Variants in RNLS observed in about 807,000 individuals in gnomAD.
RNLS encodes the protein renalase.
In RNLS, 39 loss-of-function variants were observed where a neutral mutation model predicts 39.8. The ratio of observed to expected loss-of-function variants is 0.98; its 90% CI spans 0.76 to 1.28. The LOEUF is 1.28. Among genes scored for constraint, RNLS ranks in the 50% most tolerant of loss-of-function variants. RNLS has a pLI of 0.00. For missense variants in RNLS, 410 were observed against 413.3 expected, an observed-to-expected ratio of 0.99 and a Z score of 0.07; for synonymous variants, 147 against 150.7, an observed-to-expected ratio of 0.98 and a Z score of 0.18.
At chr10:88,444,171 G>A (rs1034673954) in intron 4 of RNLS, among the ~76,000 whole-genome samples, 12 of 152,300 alleles carry the variant, frequency 7.9e-5, no homozygotes, top group African/African-American at 2.4e-4. Context: ...AGCAATATTC[G>A]CTGTTCTGCA....
intron 4 of RNLS, among the ~76,000 whole-genome samples, chr10:88,531,828 C>G (rs1324274426): frequency 6.6e-6 from 1 of 151,932 alleles, no homozygotes; most frequent in Non-Finnish European, 1.5e-5. Flanking sequence ...TTTCTTTGTT[C>G]TGAGATTGAA....
chr10:88,439,498 G>T (rs959676232), intron 4 of RNLS, among the ~76,000 whole-genome samples: 1 of 152,116 alleles, frequency 6.6e-6, no homozygotes, highest in South Asian at 2.1e-4. Flanking sequence ...TGGTTTTGAG[G>T]ACCTATTCAA....
intron 5 of RNLS, among the ~76,000 whole-genome samples, chr10:88,319,319 G>T (rs1846003673): frequency 6.6e-6 from 1 of 152,010 alleles, no homozygotes; most frequent in Non-Finnish European, 1.5e-5. Context: ...AAACGTGACA[G>T]ATCCCTCATA....
At chr10:88,581,189 A>C (rs931519424) in intron 3 of RNLS, among the ~76,000 whole-genome samples, 7 of 151,898 alleles carry the variant, frequency 4.6e-5, no homozygotes, top group Non-Finnish European at 1.0e-4. Flanking sequence ...AAATAGATCC[A>C]AGATATGAGT....
the RNLS span, among the ~76,000 whole-genome samples, chr10:88,202,257 A>G: frequency 1.5e-5 from 2 of 132,606 alleles, no homozygotes; most frequent in Non-Finnish European, 1.5e-5. Context: ...ATGAGAACAC[A>G]TGGACACAGG....
intron 4 of RNLS, among the ~76,000 whole-genome samples, chr10:88,536,811 C>T (rs1847787096): frequency 6.6e-6 from 1 of 152,166 alleles, no homozygotes; most frequent in Non-Finnish European, 1.5e-5. Flanking sequence ...TACCTCAAAA[C>T]CAAGCTGTCA....
At chr10:88,575,159 T>TACAC (rs375572767) in intron 3 of RNLS, among the ~76,000 whole-genome samples, 16 of 43,384 alleles carry the variant, frequency 3.7e-4, no homozygotes, top group Non-Finnish European at 6.1e-4. Context: ...TATATATATA[T>TACAC]ACACACACAC....
At chr10:88,440,309 T>A (rs1403150661) in intron 4 of RNLS, among the ~76,000 whole-genome samples, 2 of 152,184 alleles carry the variant, frequency 1.3e-5, no homozygotes, top group African/African-American at 4.8e-5. Context: ...GTAGAAAAGA[T>A]CATCTGTGGT....
At position 88,362,538 on chromosome 10, in the gene RNLS, A is replaced by G. The variant is rs749550375; in HGVS notation, c.700+14T>C. 6.2e-7 allele frequency: 1 copy of G among 1,610,456 alleles called. No homozygotes were observed. The highest frequency in any genetic ancestry group is 1.1e-5 in the South Asian group (1 of 90,638). ...ATTGTTGCTGTATTTAAGGGAAATAATAGGGGTACTGACCTATATTGCGCT... is the reference window on the plus strand; with the variant it reads ...ATTGTTGCTGTATTTAAGGGAAATAGTAGGGGTACTGACCTATATTGCGCT... On this transcript the variant is annotated intron_variant, in intron 5 of 6. Coordinates refer to ENST00000331772, the MANE Select transcript of RNLS (RefSeq NM_001031709.3).
At chr10:88,211,043 C>T in the RNLS span, among the ~76,000 whole-genome samples, 117,840 of 152,102 alleles carry the variant, frequency 0.77, 45,820 homozygotes, top group Middle Eastern at 0.82. Flanking sequence ...CCTCCTTCTT[C>T]ATAACCCTTT....
intron 6 of RNLS, among the ~76,000 whole-genome samples, chr10:88,306,408 T>A (rs1055376008): frequency 2.3e-4 from 35 of 151,618 alleles, no homozygotes; most frequent in Non-Finnish European, 5.9e-5. Flanking sequence ...TGGAAAAAAA[T>A]TAATAAAATA....
chr10:88,195,542 G>T, the RNLS span, among the ~76,000 whole-genome samples: 18 of 152,268 alleles, frequency 1.2e-4, no homozygotes, highest in East Asian at 3.5e-3. Flanking sequence ...GTAGTTTGGG[G>T]TAAGAAGACA....
At chr10:88,300,727 C>T (rs1055317158) in intron 6 of RNLS, among the ~76,000 whole-genome samples, 1 of 152,108 alleles carries the variant, frequency 6.6e-6, no homozygotes, top group Non-Finnish European at 1.5e-5. Context: ...CTTTAGAACC[C>T]AGTTCAATGT....
At position 88,483,953 on chromosome 10, in the gene RNLS, A is replaced by C. The variant is rs116023087; in HGVS notation, c.526+88950T>G. ...TTGTATCACAGTATGTATTCACTTT[A>C]TTTATTGTACCCAAGATAACATAGT... is the stretch of plus-strand genomic sequence containing the variant. On this transcript the variant is annotated intron_variant, in intron 4 of 6. Coordinates refer to ENST00000331772, the MANE Select transcript of RNLS (RefSeq NM_001031709.3). Among the ~76,000 whole-genome samples, 591 of 152,216 alleles carry C rather than the reference A, an allele frequency of 3.9e-3. 5 individuals carry two copies. The highest frequency in any genetic ancestry group is 0.013 in the African/African-American group (546 of 41,576).
intron 5 of RNLS, among the ~76,000 whole-genome samples, chr10:88,331,858 A>G (rs1301849794): frequency 6.6e-6 from 1 of 152,200 alleles, no homozygotes; most frequent in Non-Finnish European, 1.5e-5. Flanking sequence ...CAAGCCAATC[A>G]TATCAGTAAG....
At chr10:88,359,764 T>C (rs189284812) in intron 5 of RNLS, among the ~76,000 whole-genome samples, 2 of 152,374 alleles carry the variant, frequency 1.3e-5, no homozygotes. Flanking sequence ...TTGTACTCTT[T>C]CAAATTTGCA....
chr10:88,243,371 T>C, the RNLS span, among the ~76,000 whole-genome samples: 3 of 152,222 alleles, frequency 2.0e-5, no homozygotes, highest in East Asian at 1.9e-4. Context: ...TTTATTTTCA[T>C]TGGTTTAGTC....
At chr10:88,519,763 T>C (rs1304533955) in intron 4 of RNLS, among the ~76,000 whole-genome samples, 1 of 150,684 alleles carries the variant, frequency 6.6e-6, no homozygotes, top group Non-Finnish European at 1.5e-5. Flanking sequence ...CATATATAGA[T>C]GATACCTGAC....
the RNLS span, among the ~76,000 whole-genome samples, chr10:88,219,199 T>C: frequency 2.0e-5 from 3 of 152,218 alleles, no homozygotes; most frequent in African/African-American, 7.2e-5. Context: ...AACTAAATGA[T>C]ATTGCATGGC....
Sources: allele counts gnomAD v4.1 joint callset (sites outside exome capture counted in the v4.1 genomes callset), GRCh38; gene constraint gnomAD v4.1.1; transcripts MANE v1.5; gene names NCBI Gene and HGNC (gene_info 2026-07-23, HGNC 2026-07-21).